Variants in TAX1BP1 observed in about 807,000 individuals in gnomAD.
The protein encoded by TAX1BP1 is tax1-binding protein 1.
In TAX1BP1, 62 loss-of-function variants were observed where a neutral mutation model predicts 97.7. The ratio of observed to expected loss-of-function variants is 0.63; its 90% CI spans 0.52 to 0.78. The LOEUF (loss-of-function observed/expected upper bound fraction) is 0.78. TAX1BP1 is among the 30% of genes least tolerant of loss of function. The pLI is 0.00. For synonymous variants in TAX1BP1, 340 were observed against 304.2 expected, an observed-to-expected ratio of 1.12 and a Z score of -1.23; for missense variants, 867 against 916.1, an observed-to-expected ratio of 0.95 and a Z score of 0.69.
chr7:27,797,918 G>T (rs1789997241), intron 12 of TAX1BP1, among the ~76,000 whole-genome samples: 1 of 151,074 alleles, frequency 6.6e-6, no homozygotes, highest in Non-Finnish European at 1.5e-5. Flanking sequence ...AGAGTATACA[G>T]TTGGATCAGT....
chr7:27,828,876 A>C lies in TAX1BP1; in HGVS notation c.*47A>C, dbSNP rs576111285. Reference sequence around the variant, plus strand: ...TATAGTTTAGCAGTAAAAAAAAAAAAAAAAACCACACCTAAAATAGACCAC... The same window carrying C: ...TATAGTTTAGCAGTAAAAAAAAAAACAAAAACCACACCTAAAATAGACCAC... On this transcript the variant is annotated 3_prime_UTR_variant, in exon 17 of 17. Transcript: ENST00000396319. 13 of 1,494,570 alleles carry C rather than the reference A, an allele frequency of 8.7e-6. No homozygotes were observed. The African/African-American group carries it at 1.4e-4, about 16-fold the overall frequency. 92.6% of individuals were successfully genotyped at this position (1,494,570 alleles called of 1,614,324 possible).
At chr7:27,756,208 T>C (rs965526783) in intron 2 of TAX1BP1, among the ~76,000 whole-genome samples, 1 of 152,166 alleles carries the variant, frequency 6.6e-6, no homozygotes, top group African/African-American at 2.4e-5. Context: ...CTAGCATACT[T>C]TCATGTGGGA....
chr7:27,825,972 A>G (rs1791163401), intron 15 of TAX1BP1, among the ~76,000 whole-genome samples: 1 of 152,084 alleles, frequency 6.6e-6, no homozygotes, highest in South Asian at 2.1e-4. Flanking sequence ...TTTTTTTTCA[A>G]AGATGAGTGA....
Position 27,782,551 on chromosome 7 carries a change from ATAT to A in TAX1BP1, c.613-2608_613-2606del, listed in dbSNP as rs530732308. Among the ~76,000 whole-genome samples, 405 of 152,184 alleles carry A rather than the reference ATAT, an allele frequency of 2.7e-3. 5 individuals are homozygous for A. The highest frequency in any genetic ancestry group is 9.5e-3 in the African/African-American group (395 of 41,526). Reference sequence around the variant, plus strand: ...AGATGTGAGCTGCCACACCGGCCAAATATTATATTTTTGTCTGGTGGATTTGTA... The same window carrying A: ...AGATGTGAGCTGCCACACCGGCCAAATATATTTTTGTCTGGTGGATTTGTA... On this transcript the variant is annotated intron_variant, in intron 5 of 16. Coordinates refer to ENST00000396319, the MANE Select transcript of TAX1BP1 (RefSeq NM_006024.7).
chr7:27,802,588 A>C (rs540478759), intron 13 of TAX1BP1, among the ~76,000 whole-genome samples: 1 of 152,214 alleles, frequency 6.6e-6, no homozygotes, highest in East Asian at 1.9e-4. Context: ...ATTCCAATAT[A>C]GTTTCTAAGC....
chr7:27,802,106 G>T (rs751064039), intron 13 of TAX1BP1, among the ~76,000 whole-genome samples: 12 of 152,190 alleles, frequency 7.9e-5, no homozygotes, highest in Admixed American at 2.0e-4. Flanking sequence ...TGATCATTAG[G>T]ACTTGAGTAT....
intron 5 of TAX1BP1, chr7:27,772,631 A>C (rs559233833): frequency 6.6e-6 from 1 of 152,042 alleles, no homozygotes; most frequent in South Asian, 2.1e-4. Flanking sequence ...TTATCACTCT[A>C]AAGTGCTCTA....
At chr7:27,740,901 G>T (rs1787564437) in intron 1 of TAX1BP1, among the ~76,000 whole-genome samples, 1 of 152,190 alleles carries the variant, frequency 6.6e-6, no homozygotes, top group Non-Finnish European at 1.5e-5. Context: ...CGCCCCGTTC[G>T]CAAGGTGTGG....
At chr7:27,768,004 A>C (rs979204493) in intron 4 of TAX1BP1, among the ~76,000 whole-genome samples, 1 of 151,964 alleles carries the variant, frequency 6.6e-6, no homozygotes, top group Non-Finnish European at 1.5e-5. Context: ...GTGAGACATA[A>C]TTTTGCAATC....
At chr7:27,787,713 A>G in intron 8 of TAX1BP1, 110 bp downstream of exon 8, 4 of 980,472 alleles carry the variant, frequency 4.1e-6, no homozygotes, top group Admixed American at 3.2e-5. Context: ...AAAAAGTTCA[A>G]ACTTACAAAA....
At chr7:27,785,048 G>T in intron 5 of TAX1BP1, 115 bp from the exon 6 acceptor site, 4 of 1,041,628 alleles carry the variant, frequency 3.8e-6, no homozygotes, top group Non-Finnish European at 5.4e-6. Context: ...AAATTTGGAG[G>T]GAACAAATGT....
At chr7:27,784,662 A>C (rs938786781) in intron 5 of TAX1BP1, among the ~76,000 whole-genome samples, 1 of 152,120 alleles carries the variant, frequency 6.6e-6, no homozygotes, top group Non-Finnish European at 1.5e-5. Context: ...TAAAATCAAC[A>C]TACAGGGTAC....
At chr7:27,779,193 G>A (rs923523582) in intron 5 of TAX1BP1, among the ~76,000 whole-genome samples, 1 of 152,006 alleles carries the variant, frequency 6.6e-6, no homozygotes, top group Non-Finnish European at 1.5e-5. Context: ...GCCTCACTAT[G>A]TTTCCCAGCT....
At chr7:27,769,135 G>A (rs1788749971) in intron 4 of TAX1BP1, among the ~76,000 whole-genome samples, 1 of 150,088 alleles carries the variant, frequency 6.7e-6, no homozygotes, top group African/African-American at 2.5e-5. Context: ...CTTATGAAGA[G>A]TGTTTTAATT....
chr7:27,786,877 G>T (rs1340471724), intron 7 of TAX1BP1, among the ~76,000 whole-genome samples: 1 of 152,200 alleles, frequency 6.6e-6, no homozygotes, highest in African/African-American at 2.4e-5. Flanking sequence ...ATTTGTATGT[G>T]TGTTAGGAGC....
intron 13 of TAX1BP1, among the ~76,000 whole-genome samples, chr7:27,803,636 T>C (rs1790225742): frequency 6.6e-6 from 1 of 152,232 alleles, no homozygotes; most frequent in Admixed American, 6.5e-5. Flanking sequence ...GGCACCAAAC[T>C]GCATTAGTAG....
At chr7:27,788,824 T>G (rs957872803) in intron 8 of TAX1BP1, among the ~76,000 whole-genome samples, 1 of 151,856 alleles carries the variant, frequency 6.6e-6, no homozygotes, top group African/African-American at 2.4e-5. Context: ...AGAAACTCTG[T>G]TTTTTTTAGT....
At chr7:27,761,582 G>A (rs564689352) in intron 3 of TAX1BP1, among the ~76,000 whole-genome samples, 59 of 152,136 alleles carry the variant, frequency 3.9e-4, no homozygotes, top group Non-Finnish European at 8.1e-4. Flanking sequence ...GAATCATAAC[G>A]ATATGTAGTC....
chr7:27,782,799 G>A (rs939510105), intron 5 of TAX1BP1, among the ~76,000 whole-genome samples: 3 of 152,252 alleles, frequency 2.0e-5, no homozygotes, highest in South Asian at 2.1e-4. Flanking sequence ...CTGTGTATGT[G>A]TGAATCTAGA....
Sources: allele counts gnomAD v4.1 joint callset (sites outside exome capture counted in the v4.1 genomes callset), GRCh38; gene constraint gnomAD v4.1.1; transcripts MANE v1.5; gene names NCBI Gene and HGNC (gene_info 2026-07-23, HGNC 2026-07-21).